Variants in TAFA5 observed in about 807,000 individuals in gnomAD.
The protein encoded by TAFA5 is chemokine-like protein TAFA-5.
Under a neutral mutation model 15.3 loss-of-function variants are expected in TAFA5, and 6 were observed. That is an observed-to-expected ratio of 0.39 (90% CI 0.21 to 0.77). TAFA5 has a LOEUF of 0.77. Among genes scored for constraint, TAFA5 ranks in the 30% least tolerant of loss-of-function variants. TAFA5 has a pLI of 0.41. For missense variants in TAFA5, 161 were observed against 193.1 expected (o/e 0.83, Z 0.98); for synonymous variants, 103 against 80.7 (o/e 1.28, Z -1.48).
At chr22:48,674,394 A>C (rs1179428870) in intron 2 of TAFA5, among the ~76,000 whole-genome samples, 1 of 152,016 alleles carries the variant, frequency 6.6e-6, no homozygotes, top group Non-Finnish European at 1.5e-5. Flanking sequence ...GGCTGTGTGG[A>C]CTGTTGTGTT....
At chr22:48,649,916 A>G (rs4450733) in intron 2 of TAFA5, among the ~76,000 whole-genome samples, 79,648 of 151,748 alleles carry the variant, frequency 0.52, 21,471 homozygotes, top group African/African-American at 0.64. Flanking sequence ...AACCACATTC[A>G]CTTTCCTCTC....
chr22:48,716,670 G>A, intron 3 of TAFA5, among the ~76,000 whole-genome samples: 1 of 152,194 alleles, frequency 6.6e-6, no homozygotes, highest in East Asian at 1.9e-4. Flanking sequence ...ATGTATCCCA[G>A]AACTGAAAGT....
chr22:48,738,416 G>A (rs956423242), intron 3 of TAFA5, among the ~76,000 whole-genome samples: 3 of 152,096 alleles, frequency 2.0e-5, no homozygotes, highest in East Asian at 1.9e-4. Flanking sequence ...CACTCCTCCC[G>A]GGCAGCCACT....
At chr22:48,724,663 G>T (rs1396364818) in intron 3 of TAFA5, among the ~76,000 whole-genome samples, 1 of 152,016 alleles carries the variant, frequency 6.6e-6, no homozygotes, top group East Asian at 1.9e-4. Context: ...GCTCAAAGGA[G>T]TGGAAGCCCG....
chr22:48,732,503 G>A (rs1244105610), intron 3 of TAFA5, among the ~76,000 whole-genome samples: 9 of 152,186 alleles, frequency 5.9e-5, no homozygotes, highest in African/African-American at 9.6e-5. Context: ...TAATCCACCC[G>A]CCTCAGCCTC....
intron 2 of TAFA5, among the ~76,000 whole-genome samples, chr22:48,696,590 C>A (rs968066052): frequency 2.0e-5 from 3 of 152,228 alleles, no homozygotes; most frequent in African/African-American, 7.2e-5. Context: ...GCGGAGCTCC[C>A]CCCAACTGCA....
Position 48,714,424 on chromosome 22 carries a change from G to A in TAFA5, c.390+6580G>A, listed in dbSNP as rs1008542730. Among the ~76,000 whole-genome samples, 5 of 152,196 alleles carry A rather than the reference G, an allele frequency of 3.3e-5. No homozygotes were observed. The East Asian group carries it at 5.8e-4, about 18-fold the overall frequency. On this transcript the variant is annotated intron_variant, in intron 3 of 3. Coordinates refer to ENST00000402357, the MANE Select transcript of TAFA5 (RefSeq NM_001082967.3). ...GTGCTGACGGCCTCCTCCCAGCGCTGTAGAGGTGGGCCCAGTTGACAGGCT... is the reference window on the plus strand; with the variant it reads ...GTGCTGACGGCCTCCTCCCAGCGCTATAGAGGTGGGCCCAGTTGACAGGCT...
intron 1 of TAFA5, among the ~76,000 whole-genome samples, chr22:48,501,001 C>A (rs1171657272): frequency 6.6e-6 from 1 of 151,180 alleles, no homozygotes; most frequent in Non-Finnish European, 1.5e-5. Flanking sequence ...ATGGGCATGG[C>A]CACTGTGTCC....
intron 2 of TAFA5, among the ~76,000 whole-genome samples, chr22:48,678,605 G>A (rs991684516): frequency 6.6e-6 from 1 of 152,196 alleles, no homozygotes; most frequent in Non-Finnish European, 1.5e-5. Context: ...GGCGGGGCCA[G>A]GGCTGCAGGT....
At chr22:48,630,671 T>G (rs2147188904) in intron 1 of TAFA5, among the ~76,000 whole-genome samples, 1 of 152,282 alleles carries the variant, frequency 6.6e-6, no homozygotes, top group East Asian at 1.9e-4. Context: ...CGTCCACGTC[T>G]TCACCGCCCT....
Position 48,735,718 on chromosome 22 carries a change from G to A in TAFA5, c.391-14121G>A, listed in dbSNP as rs114454897. Among the ~76,000 whole-genome samples, 282 of 151,778 alleles carry A rather than the reference G, an allele frequency of 1.9e-3. 1 individual carries two copies. The highest frequency in any genetic ancestry group is 6.6e-3 in the African/African-American group (273 of 41,168). Reference sequence around the variant, plus strand: ...GGAGTTACCAAGGGAGGCAGCAATCGCCCTCCTAGAGTCCACAGAGTCCAT... The same window carrying A: ...GGAGTTACCAAGGGAGGCAGCAATCACCCTCCTAGAGTCCACAGAGTCCAT... On this transcript the variant is annotated intron_variant, in intron 3 of 3. Transcript: ENST00000402357.
At chr22:48,578,165 G>A (rs1026008072) in intron 1 of TAFA5, among the ~76,000 whole-genome samples, 4 of 152,208 alleles carry the variant, frequency 2.6e-5, no homozygotes, top group Non-Finnish European at 5.9e-5. Context: ...CGGAAAGGGC[G>A]TGTATGTGAA....
At chr22:48,596,612 G>T (rs181050457) in intron 1 of TAFA5, among the ~76,000 whole-genome samples, 1 of 152,148 alleles carries the variant, frequency 6.6e-6, no homozygotes, top group South Asian at 2.1e-4. Flanking sequence ...AGGGAGGCGC[G>T]TGAGTGACAA....
intron 1 of TAFA5, among the ~76,000 whole-genome samples, chr22:48,639,638 C>A (rs895813021): frequency 1.3e-4 from 20 of 152,182 alleles, no homozygotes; most frequent in African/African-American, 4.6e-4. Flanking sequence ...CACCTGAAGC[C>A]ACATGCAGGT....
chr22:48,671,332 C>T (rs915214322), intron 2 of TAFA5, among the ~76,000 whole-genome samples: 2 of 152,212 alleles, frequency 1.3e-5, no homozygotes, highest in African/African-American at 4.8e-5. Context: ...CCCCACCAGC[C>T]CTTTCACCTG....
intron 2 of TAFA5, among the ~76,000 whole-genome samples, chr22:48,655,871 G>A (rs1472150932): frequency 5.7e-4 from 66 of 116,502 alleles, no homozygotes; most frequent in Admixed American, 1.6e-3. Context: ...ACAGAGTCTC[G>A]CTCTGTTACC....
At chr22:48,555,218 G>T (rs1345008913) in intron 1 of TAFA5, among the ~76,000 whole-genome samples, 2 of 152,192 alleles carry the variant, frequency 1.3e-5, no homozygotes, top group Non-Finnish European at 2.9e-5. Flanking sequence ...ATGAAGGAAT[G>T]AATGGATACT....
chr22:48,543,902 G>A (rs1922560074), intron 1 of TAFA5: 1 of 152,266 alleles, frequency 6.6e-6, no homozygotes, highest in African/African-American at 2.4e-5. Context: ...ATCCCCTTGT[G>A]GGGCTCCAGA....
chr22:48,597,542 C>T (rs1458131703), intron 1 of TAFA5, among the ~76,000 whole-genome samples: 1 of 151,154 alleles, frequency 6.6e-6, no homozygotes, highest in Non-Finnish European at 1.5e-5. Flanking sequence ...TGCAGAGTGT[C>T]CCAGGAGCTA....
Sources: allele counts gnomAD v4.1 joint callset (sites outside exome capture counted in the v4.1 genomes callset), GRCh38; gene constraint gnomAD v4.1.1; transcripts MANE v1.5; gene names NCBI Gene and HGNC (gene_info 2026-07-23, HGNC 2026-07-21).